The following PCF11 variants were observed in gnomAD, a reference collection of about 807,000 sequenced individuals.
The protein encoded by PCF11 is PCF11 cleavage and polyadenylation factor subunit.
PCF11 carries 19 observed loss-of-function variants against 166.1 expected under a neutral mutation model. The observed-to-expected ratio is 0.11, with a 90% CI of 0.08 to 0.17. PCF11 has a LOEUF of 0.17. Among genes scored for constraint, PCF11 ranks in the 10% least tolerant of loss-of-function variants. The pLI, the probability that PCF11 is intolerant of heterozygous loss-of-function variation, is 1.00. For missense variants in PCF11, 1,565 were observed against 1,855.5 expected (o/e 0.84, Z 2.88); for synonymous variants, 663 against 644.1 (o/e 1.03, Z -0.44).
intron 9 of PCF11, among the ~76,000 whole-genome samples, chr11:83,173,852 T>A (rs1411339944): frequency 6.9e-6 from 1 of 145,976 alleles, no homozygotes; most frequent in African/African-American, 2.5e-5. Flanking sequence ...GGGCTCAGCC[T>A]CCCCAGTAGC....
intron 11 of PCF11, among the ~76,000 whole-genome samples, chr11:83,179,176 C>T (rs1860996095): frequency 6.6e-6 from 1 of 151,882 alleles, no homozygotes; most frequent in South Asian, 2.1e-4. Context: ...CTTTCTCCTT[C>T]ACCCAACACT....
At chr11:83,171,751 T>G in intron 8 of PCF11, 67 bp from the exon 9 acceptor site, 1 of 822,600 alleles carries the variant, frequency 1.2e-6, no homozygotes. Context: ...TTTTATGTAA[T>G]TAGGATGTTA....
chr11:83,177,910 C>A, intron 11 of PCF11, 91 bp downstream of exon 11: 1 of 469,346 alleles, frequency 2.1e-6, no homozygotes, highest in Non-Finnish European at 3.7e-6. Flanking sequence ...CTTTCCCTTT[C>A]CCTTTATCCC....
At chr11:83,179,037 T>C (rs1443500501) in intron 11 of PCF11, among the ~76,000 whole-genome samples, 1 of 152,042 alleles carries the variant, frequency 6.6e-6, no homozygotes, top group Non-Finnish European at 1.5e-5. Flanking sequence ...TTATAAAAAA[T>C]AAAATAGTGA....
exon 8 of PCF11, chr11:83,169,513 G>A: frequency 6.2e-7 from 1 of 1,613,894 alleles, no homozygotes; most frequent in Non-Finnish European, 8.5e-7. Flanking sequence ...TGGTCAGCCA[G>A]GTCCTAGATT....
exon 5 of PCF11, chr11:83,166,132 C>T (rs772423378): frequency 1.2e-6 from 2 of 1,611,056 alleles, no homozygotes; most frequent in Non-Finnish European, 1.7e-6. Flanking sequence ...CAGGATAAGA[C>T]CGATGGCAAA....
At chr11:83,176,379 G>A (rs971234789) in intron 9 of PCF11, among the ~76,000 whole-genome samples, 2 of 152,094 alleles carry the variant, frequency 1.3e-5, no homozygotes, top group African/African-American at 2.4e-5. Context: ...ATAAAGACAC[G>A]TGCACACATA....
At position 83,183,085 on chromosome 11, in the gene PCF11, T is replaced by C. The variant is rs1861138074; in HGVS notation, c.4452+12T>C. The C allele has an allele frequency of 6.3e-6, 9 of 1,434,226 alleles. No individual in the cohort carries two copies. In the East Asian group the frequency reaches 2.1e-4, roughly 33 times the overall value. 88.8% of individuals were successfully genotyped at this position (1,434,226 alleles called of 1,614,324 possible). A position where few individuals can be genotyped will look rare whatever the true frequency, so the allele number is the denominator to read the frequency against. ...AAGATTATCAAAATGTAAGTTCTTT[T>C]TGGTTACTGTATTTGTTCTCATTTG... is the stretch of plus-strand genomic sequence containing the variant. On this transcript the variant is annotated intron_variant, in intron 15 of 15. Coordinates refer to ENST00000298281, the Ensembl canonical transcript of PCF11.
exon 5 of PCF11, chr11:83,166,610 T>C: frequency 6.2e-7 from 1 of 1,613,714 alleles, no homozygotes; most frequent in Non-Finnish European, 8.5e-7. Context: ...AAACTACAAA[T>C]CAGCATTCTA....
In PCF11 at chr11:83,161,458, T is replaced by TA; in HGVS notation, c.318+7dup. The TA allele has an allele frequency of 6.4e-7, 1 of 1,553,808 alleles. No individual in the cohort carries two copies. The highest frequency in any genetic ancestry group is 8.7e-7 in the Non-Finnish European group (1 of 1,155,766). ...TTATTTGTGTGTTTGAAAAGGTACA[T>TA]ATGCATTTAGAAACATTTGCGTTTT... is the stretch of plus-strand genomic sequence containing the variant. On this transcript the variant is annotated splice_region_variant and intron_variant, in intron 2 of 15. Coordinates refer to ENST00000298281, the Ensembl canonical transcript of PCF11.
chr11:83,173,194 C>T (rs938309871), intron 9 of PCF11, among the ~76,000 whole-genome samples: 4 of 152,164 alleles, frequency 2.6e-5, no homozygotes, highest in African/African-American at 9.7e-5. Flanking sequence ...TGGTGGCTCA[C>T]GCCTATAATC....
In PCF11 at chr11:83,167,025, G is replaced by T; in HGVS notation, c.1818-100G>T. 1 of 923,338 alleles carries T rather than the reference G, an allele frequency of 1.1e-6. No individual in the cohort carries two copies. The allele number at this position is 923,338 out of a possible 1,614,324, so 57.2% of individuals were successfully genotyped here. On this transcript the variant is annotated intron_variant, in intron 5 of 15. Transcript: ENST00000298281. This position sits in a 1 kb window ranked among gnomAD's most constrained non-coding sequence, Gnocchi z 4.2. Reference sequence around the variant, plus strand: ...TTAATTACTTTTTGTGGTTACATATGCCCATTTTAACCATATCCTTTGAAA... The same window carrying T: ...TTAATTACTTTTTGTGGTTACATATTCCCATTTTAACCATATCCTTTGAAA...
chr11:83,166,208 A>T (rs781142830), exon 5 of PCF11: 2 of 1,612,912 alleles, frequency 1.2e-6, no homozygotes, highest in Middle Eastern at 1.7e-4. Flanking sequence ...ACATGAAGTC[A>T]TCCGAACACA....
rs1288357166 is a variant in PCF11 at position 83,183,582 on chromosome 11, C to T, written c.4452+509C>T. ...CTCGGCTCACTGCAACCTCCACCTC[C>T]TGGGTTCAAGGGATTCTCCTGCCCC... On this transcript the variant is annotated intron_variant, in intron 15 of 15. Coordinates refer to ENST00000298281, the Ensembl canonical transcript of PCF11. 2.0e-5 allele frequency among the ~76,000 whole-genome samples: 3 copies of T among 151,992 alleles called. 1 individual carries two copies. Among genetic ancestry groups the T allele is most frequent in the Admixed American group, 1.3e-4 (2 of 15,276 alleles).
exon 8 of PCF11, chr11:83,169,089 G>T: frequency 1.2e-6 from 2 of 1,613,742 alleles, no homozygotes; most frequent in Non-Finnish European, 1.7e-6. Flanking sequence ...TTAGATTTGA[G>T]GGGGGTCATG....
At chr11:83,183,118 AAATT>A (rs1861139448) in intron 15 of PCF11, 45 bp downstream of exon 15, 1 of 1,165,748 alleles carries the variant, frequency 8.6e-7, no homozygotes, top group Non-Finnish European at 1.2e-6. Flanking sequence ...TTGCATTAAT[AAATT>A]TTACTTTTCA....
chr11:83,171,181 A>G (rs1428197866), intron 8 of PCF11: 4 of 393,536 alleles, frequency 1.0e-5, no homozygotes, highest in Admixed American at 6.2e-5. Flanking sequence ...CTCCATGACT[A>G]TTCTGTTTTT....
intron 4 of PCF11, 87 bp downstream of exon 4, chr11:83,164,488 TTACTTTTATTAATAGTG>T: frequency 2.2e-6 from 2 of 908,168 alleles, no homozygotes; most frequent in Non-Finnish European, 3.4e-6. Context: ...TATTAACATG[TTACTTTTATTAATAGTG>T]TACTCTTTTT....
chr11:83,180,880 T>A (rs2135446178), intron 11 of PCF11, 128 bp from the exon 12 acceptor site: 2 of 536,974 alleles, frequency 3.7e-6, no homozygotes, highest in South Asian at 5.6e-5. Context: ...TCTTTGGGTA[T>A]TAACTGTTTC....
Sources: gnomAD v4.1 joint callset for allele counts (sites outside exome capture counted in the v4.1 genomes callset) on GRCh38, gnomAD v4.1.1 for gene constraint, Gnocchi (gnomAD v3.1) non-coding constraint, MANE v1.5 for transcripts, NCBI Gene and HGNC (gene_info 2026-07-23, HGNC 2026-07-21) for gene names.